Variants in FGF12 observed in about 807,000 individuals in gnomAD.
FGF12 encodes fibroblast growth factor 12.
Under a neutral mutation model 23.6 loss-of-function variants are expected in FGF12, and 14 were observed. The observed-to-expected ratio is 0.59, with a 90% CI of 0.39 to 0.93. The LOEUF is 0.93. Ranked by LOEUF, FGF12 falls within the 40% of genes least tolerant of loss-of-function variation. FGF12 has a pLI of 0.00. For missense variants in FGF12, 175 were observed against 217.8 expected (o/e 0.80, Z 1.24); for synonymous variants, 62 against 77.3 (o/e 0.80, Z 1.04).
intron 2 of FGF12, among the ~76,000 whole-genome samples, chr3:192,378,251 C>T (rs1047630425): frequency 6.7e-6 from 1 of 149,570 alleles, no homozygotes; most frequent in African/African-American, 2.6e-5. Flanking sequence ...GCTGGGACTA[C>T]AGGCGTGTGC....
intron 4 of FGF12, among the ~76,000 whole-genome samples, chr3:192,274,690 C>A (rs915063294): frequency 6.6e-6 from 1 of 152,156 alleles, no homozygotes; most frequent in African/African-American, 2.4e-5. Context: ...TATGTGAATA[C>A]TTTAAGGATA....
At chr3:192,165,517 ATTTTT>A (rs72495238) in intron 5 of FGF12, among the ~76,000 whole-genome samples, 9,744 of 145,788 alleles carry the variant, frequency 0.067, 383 homozygotes, top group African/African-American at 0.098. Context: ...ATCTGGTCCA[ATTTTT>A]TTTTTTTTTT....
chr3:192,711,469 G>A (rs575786914), intron 2 of FGF12, among the ~76,000 whole-genome samples: 3 of 152,048 alleles, frequency 2.0e-5, no homozygotes, highest in Non-Finnish European at 4.4e-5. Flanking sequence ...CATTGAGAAC[G>A]GGCCATGATG....
Position 192,610,961 on chromosome 3 carries a change from T to G in FGF12, c.13+116220A>C, listed in dbSNP as rs145627596. 1.5e-3 allele frequency among the ~76,000 whole-genome samples: 234 copies of G among 152,130 alleles called. 1 individual carries two copies. The highest frequency in any genetic ancestry group is 5.3e-3 in the African/African-American group (221 of 41,556). On this transcript the variant is annotated intron_variant, in intron 2 of 5. Transcript: ENST00000445105. Reference sequence around the variant, plus strand: ...AAATTGCAGCCTCATTTATACTCCCTATAACCGTTTCTGTTTTACTTTCCT... The same window carrying G: ...AAATTGCAGCCTCATTTATACTCCCGATAACCGTTTCTGTTTTACTTTCCT...
At chr3:192,197,715 C>G (rs944378208) in intron 4 of FGF12, among the ~76,000 whole-genome samples, 1 of 152,106 alleles carries the variant, frequency 6.6e-6, no homozygotes, top group East Asian at 1.9e-4. Context: ...GAGGCCGAGG[C>G]GGGAAGATCA....
intron 2 of FGF12, among the ~76,000 whole-genome samples, chr3:192,635,334 G>A (rs928637231): frequency 1.3e-5 from 2 of 151,818 alleles, no homozygotes; most frequent in African/African-American, 4.8e-5. Context: ...AACTCTTCTT[G>A]CTTTAGGCCA....
chr3:192,527,596 C>A (rs1339071296), intron 2 of FGF12, among the ~76,000 whole-genome samples: 1 of 152,184 alleles, frequency 6.6e-6, no homozygotes, highest in African/African-American at 2.4e-5. Flanking sequence ...GGAGCCAGCA[C>A]TAGATAACCA....
Position 192,392,414 on chromosome 3 carries a change from A to AAAATAAATAAATAAAT in FGF12, c.14-31892_14-31877dup, listed in dbSNP as rs60248403. On this transcript the variant is annotated intron_variant, in intron 2 of 5. Coordinates refer to ENST00000445105, the MANE Select transcript of FGF12 (RefSeq NM_004113.6). Reference sequence around the variant, plus strand: ...GAAACCCCGTCTCTACTAAAAATAAAAAATAAATAAATAAATAAATAAATA... The same window carrying AAAATAAATAAATAAAT: ...GAAACCCCGTCTCTACTAAAAATAAAAAATAAATAAATAAATAAATAAATAAATAAATAAATAAATA... 9.1e-3 allele frequency among the ~76,000 whole-genome samples: 1,313 copies of AAAATAAATAAATAAAT among 143,692 alleles called. 8 individuals carry two copies. The highest frequency in any genetic ancestry group is 0.021 in the Middle Eastern group (6 of 282). The allele number at this position is 143,692 out of a possible 152,430, so 94.3% of individuals were successfully genotyped here. A position where few individuals can be genotyped will look rare whatever the true frequency, so the allele number is the denominator to read the frequency against.
intron 4 of FGF12, among the ~76,000 whole-genome samples, chr3:192,276,832 G>T (rs1324485272): frequency 6.6e-6 from 1 of 152,034 alleles, no homozygotes; most frequent in Non-Finnish European, 1.5e-5. Context: ...TTCCAGAGAG[G>T]GTCCTCACCA....
At chr3:192,349,700 T>G (rs1718124689) in intron 3 of FGF12, among the ~76,000 whole-genome samples, 1 of 152,104 alleles carries the variant, frequency 6.6e-6, no homozygotes, top group African/African-American at 2.4e-5. Context: ...GCATACTCAA[T>G]TTTCTTCCTA....
At chr3:192,217,598 A>T (rs764481699) in intron 4 of FGF12, among the ~76,000 whole-genome samples, 2 of 152,198 alleles carry the variant, frequency 1.3e-5, no homozygotes, top group Non-Finnish European at 2.9e-5. Flanking sequence ...CATGTCAATA[A>T]TGGTTTTATG....
At position 192,409,588 on chromosome 3, in the gene FGF12, G is replaced by A. The variant is rs1237262366; in HGVS notation, c.14-49050C>T. Among the ~76,000 whole-genome samples, 2 of 152,052 alleles carry A rather than the reference G, an allele frequency of 1.3e-5. No homozygotes were observed. Among genetic ancestry groups the A allele is most frequent in the South Asian group, 2.1e-4 (1 of 4,830 alleles). ...GTCCCGCGCCGCCCATCCCGGCCGA[G>A]GAAGGAAGTGACCCGCGCGCTGCGA... On this transcript the variant is annotated intron_variant, in intron 2 of 5. Transcript: ENST00000445105. This position sits in a 1 kb window ranked among gnomAD's most constrained non-coding sequence, Gnocchi z 4.8.
rs1277734866 is a variant in FGF12, at chr3:192,408,257, T to C, written c.14-47719A>G. ...AGCGAGGGCCTCAGGCCCCAGCCTC[T>C]ACTGCGCCCTCCGGCTTGCGCTCCG... On this transcript the variant is annotated intron_variant, in intron 2 of 5. Coordinates refer to ENST00000445105, the MANE Select transcript of FGF12 (RefSeq NM_004113.6). This position sits in a 1 kb window ranked among gnomAD's most constrained non-coding sequence, Gnocchi z 7.3. The C allele has an allele frequency of 1.9e-6, 3 of 1,543,494 alleles. No individual in the cohort carries two copies. The highest frequency in any genetic ancestry group is 2.6e-6 in the Non-Finnish European group (3 of 1,149,068).
chr3:192,292,751 C>T (rs902592345), intron 4 of FGF12, among the ~76,000 whole-genome samples: 1 of 152,062 alleles, frequency 6.6e-6, no homozygotes, highest in Non-Finnish European at 1.5e-5. Context: ...TCAATACAAA[C>T]ATACCAGTTG....
Position 192,546,618 on chromosome 3 carries a change from C to T in FGF12, c.13+180563G>A, listed in dbSNP as rs138183020. ...TGATAGAATGTAAGCTTTATGAGGG[C>T]AGGAACTTTATCTGATTCACCAATG... On this transcript the variant is annotated intron_variant, in intron 2 of 5. Transcript: ENST00000445105. 7.0e-3 allele frequency among the ~76,000 whole-genome samples: 1,070 copies of T among 152,176 alleles called. 4 individuals are homozygous for T. Among genetic ancestry groups the T allele is most frequent in the African/African-American group, 0.024 (1,003 of 41,514 alleles).
chr3:192,661,062 G>A (rs1503586), intron 2 of FGF12, among the ~76,000 whole-genome samples: 85,523 of 151,704 alleles, frequency 0.56, 24,534 homozygotes, highest in East Asian at 0.67. Context: ...TACATGAAAT[G>A]GTACGCTTGT....
chr3:192,221,754 AT>A (rs1212852250), intron 4 of FGF12, among the ~76,000 whole-genome samples: 1 of 152,200 alleles, frequency 6.6e-6, no homozygotes, highest in Non-Finnish European at 1.5e-5. Flanking sequence ...TTACTGAAGT[AT>A]AAAATATAGA....
intron 2 of FGF12, among the ~76,000 whole-genome samples, chr3:192,671,961 A>T (rs78938639): frequency 0.022 from 3,351 of 152,342 alleles, 135 homozygotes; most frequent in African/African-American, 0.077. Flanking sequence ...ATAGCAAGGA[A>T]TTCATACAGA....
rs1361621556 is a variant in FGF12, at chr3:192,167,767, ATAAAATTTT to A, written c.427+2682_427+2690del. ...TATATATATATATATATATATATAT[ATAAAATTTT>A]TTTTTTTTTTTTTTTTTGAGAAAGA... is the stretch of plus-strand genomic sequence containing the variant. On this transcript the variant is annotated intron_variant, in intron 5 of 5. Coordinates refer to ENST00000445105, the MANE Select transcript of FGF12 (RefSeq NM_004113.6). Among the ~76,000 whole-genome samples, 225 of 29,326 alleles carry A rather than the reference ATAAAATTTT, an allele frequency of 7.7e-3. 17 individuals are homozygous for A. The highest frequency in any genetic ancestry group is 0.045 in the East Asian group (40 of 896). 19.2% of individuals were successfully genotyped at this position (29,326 alleles called of 152,430 possible). A position where few individuals can be genotyped will look rare whatever the true frequency, so the allele number is the denominator to read the frequency against.
Sources: allele counts gnomAD v4.1 joint callset (sites outside exome capture counted in the v4.1 genomes callset), GRCh38; gene constraint gnomAD v4.1.1; non-coding constraint Gnocchi (gnomAD v3.1); transcripts MANE v1.5; gene names NCBI Gene and HGNC (gene_info 2026-07-23, HGNC 2026-07-21).